The following MRPS27 variants were observed in gnomAD, a reference collection of about 807,000 sequenced individuals.
MRPS27 encodes small ribosomal subunit protein mS27.
Under a neutral mutation model 48.9 loss-of-function variants are expected in MRPS27, and 43 were observed. The observed-to-expected ratio is 0.88, with a 90% CI of 0.69 to 1.13. The LOEUF (loss-of-function observed/expected upper bound fraction) is 1.13. Ranked by LOEUF, MRPS27 falls within the 50% of genes most tolerant of loss-of-function variation. The probability of loss-of-function intolerance (pLI) is 0.00; values close to 1 mark genes in which losing one functional copy is unlikely to be tolerated. For synonymous variants in MRPS27, 188 were observed against 171.9 expected (o/e 1.09, Z -0.73); for missense variants, 467 against 476.3 (o/e 0.98, Z 0.18).
intron 4 of MRPS27, among the ~76,000 whole-genome samples, chr5:72,250,223 T>G (rs1442540057): frequency 6.6e-6 from 1 of 152,206 alleles, no homozygotes; most frequent in Non-Finnish European, 1.5e-5. Flanking sequence ...TGGGTATATT[T>G]AAGAAATAAA....
intron 4 of MRPS27, among the ~76,000 whole-genome samples, chr5:72,252,212 G>A (rs58564179): frequency 1.3e-5 from 2 of 152,160 alleles, no homozygotes; most frequent in Non-Finnish European, 2.9e-5. Flanking sequence ...ATTATCTCAA[G>A]GGTTTTTCAC....
intron 4 of MRPS27, among the ~76,000 whole-genome samples, chr5:72,292,445 T>C (rs781391964): frequency 6.6e-6 from 1 of 152,192 alleles, no homozygotes; most frequent in African/African-American, 2.4e-5. Context: ...AGCCTTTCTA[T>C]CTCTCCTTAA....
Position 72,320,156 on chromosome 5 carries a change from A to T in MRPS27, c.66T>A (p.Ser22=). Residue 22 remains serine, a synonymous_variant, in exon 1 of 11, where the codon TCT becomes TCA. Coordinates refer to ENST00000261413, the MANE Select transcript of MRPS27 (RefSeq NM_015084.3). ...LARQVVLPQL[S]PAGKRYLLSS... ...TGAAGCTGTCCGGCCAACCTGCAGG[A>T]GAGAGCTGAGGAAGAACCACTTGCC... 1 of 1,613,994 alleles carries T rather than the reference A, an allele frequency of 6.2e-7. No individual in the cohort carries two copies. Among genetic ancestry groups the T allele is most frequent in the Non-Finnish European group, 8.5e-7 (1 of 1,179,870 alleles).
At chr5:72,238,495 G>A (rs147837273) in intron 4 of MRPS27, among the ~76,000 whole-genome samples, 1 of 152,148 alleles carries the variant, frequency 6.6e-6, no homozygotes, top group Non-Finnish European at 1.5e-5. Context: ...AACTTTGGAA[G>A]TTTAAAACAA....
intron 1 of MRPS27, among the ~76,000 whole-genome samples, chr5:72,318,352 C>G (rs1750616724): frequency 6.6e-6 from 1 of 152,240 alleles, no homozygotes; most frequent in Non-Finnish European, 1.5e-5. Flanking sequence ...CGCATACCAG[C>G]TACTTGCTTA....
chr5:72,238,779 G>A (rs991354664), intron 4 of MRPS27, among the ~76,000 whole-genome samples: 2 of 152,158 alleles, frequency 1.3e-5, no homozygotes, highest in Admixed American at 1.3e-4. Context: ...AAAGTCTGAA[G>A]CAGCCCAGGA....
intron 1 of MRPS27, chr5:72,314,360 A>G (rs1750515275): frequency 2.4e-6 from 1 of 414,744 alleles, no homozygotes; most frequent in South Asian, 5.0e-5. Context: ...GTGAAGATGC[A>G]GAAAAACAGG....
chr5:72,230,635 A>G (rs1215880547), intron 7 of MRPS27, among the ~76,000 whole-genome samples: 2 of 152,170 alleles, frequency 1.3e-5, no homozygotes, highest in South Asian at 2.1e-4. Flanking sequence ...ACATGGAAGT[A>G]TAAGTCTCCA....
chr5:72,247,795 AT>A (rs1360579402), intron 4 of MRPS27, among the ~76,000 whole-genome samples: 1 of 152,220 alleles, frequency 6.6e-6, no homozygotes, highest in Non-Finnish European at 1.5e-5. Flanking sequence ...CTGTTACTTT[AT>A]CAAACCTCTG....
chr5:72,234,097 G>C, intron 6 of MRPS27, 22 bp downstream of exon 6: 1 of 1,485,906 alleles, frequency 6.7e-7, no homozygotes, highest in Non-Finnish European at 8.9e-7. Context: ...TATAAACACT[G>C]AATCTGGGGT....
chr5:72,251,477 A>C (rs1748663442), intron 4 of MRPS27, among the ~76,000 whole-genome samples: 1 of 152,194 alleles, frequency 6.6e-6, no homozygotes, highest in African/African-American at 2.4e-5. Flanking sequence ...CAATTTACCT[A>C]TCATGTTTTG....
At chr5:72,250,761 C>G (rs1183727999) in intron 4 of MRPS27, among the ~76,000 whole-genome samples, 2 of 152,102 alleles carry the variant, frequency 1.3e-5, no homozygotes, top group Non-Finnish European at 1.5e-5. Flanking sequence ...CATATACAAG[C>G]AATACTAAAA....
intron 1 of MRPS27, 178 bp downstream of exon 1, chr5:72,319,971 T>A: frequency 1.5e-6 from 1 of 650,716 alleles, no homozygotes; most frequent in East Asian, 2.7e-5. Context: ...AACATACTGT[T>A]ATTTTAGGGA....
intron 4 of MRPS27, among the ~76,000 whole-genome samples, chr5:72,280,149 T>C (rs915416794): frequency 1.3e-5 from 2 of 152,218 alleles, no homozygotes; most frequent in Admixed American, 1.3e-4. Flanking sequence ...GTTGTCTATC[T>C]TGTGGACCAA....
At chr5:72,262,314 GTGC>G (rs921550519) in intron 4 of MRPS27, among the ~76,000 whole-genome samples, 3 of 151,996 alleles carry the variant, frequency 2.0e-5, no homozygotes, top group South Asian at 2.1e-4. Context: ...TCAACGAAAG[GTGC>G]TGCTGCTGCT....
At chr5:72,244,415 T>C (rs1748450337) in intron 4 of MRPS27, among the ~76,000 whole-genome samples, 1 of 152,196 alleles carries the variant, frequency 6.6e-6, no homozygotes, top group African/African-American at 2.4e-5. Context: ...GGTATAAATA[T>C]GACATACTAG....
intron 4 of MRPS27, among the ~76,000 whole-genome samples, chr5:72,256,597 C>T (rs1748815166): frequency 3.9e-5 from 6 of 152,184 alleles, no homozygotes; most frequent in Admixed American, 3.9e-4. Context: ...CCCAGCTATC[C>T]AAAGTCACTT....
Position 72,220,970 on chromosome 5 carries a change from T to G in MRPS27, c.1184A>C (p.Gln395Pro), listed in dbSNP as rs1194935229. ...DLVQLIQREQ[Q>P]QREQAKQEYQ... ...CTCCTGCTTCGCTTGCTCCCTCTGT[T>G]GCTGTTCTCTCTGGATCAACTGTAC... Residue 395 changes from glutamine to proline, a missense_variant, in exon 11 of 11, where the codon CAA becomes CCA. Gln to Pro is a moderately conservative substitution (Grantham distance 76). Coordinates refer to ENST00000261413, the MANE Select transcript of MRPS27 (RefSeq NM_015084.3). 5 of 1,614,054 alleles carry G rather than the reference T, an allele frequency of 3.1e-6. No homozygotes were observed. Among genetic ancestry groups the G allele is most frequent in the Non-Finnish European group, 4.2e-6 (5 of 1,180,016 alleles).
chr5:72,295,772 G>A (rs1044285351), intron 3 of MRPS27, among the ~76,000 whole-genome samples, 183 bp from the exon 4 acceptor site: 4 of 152,130 alleles, frequency 2.6e-5, no homozygotes, highest in South Asian at 4.1e-4. Flanking sequence ...TTATGCTAAT[G>A]CAAACAAAGA....
Sources: gnomAD v4.1 joint callset for allele counts (sites outside exome capture counted in the v4.1 genomes callset) on GRCh38, gnomAD v4.1.1 for gene constraint, MANE v1.5 for transcripts, NCBI Gene and HGNC (gene_info 2026-07-23, HGNC 2026-07-21) for gene names.